RAD54B: variants seen among roughly 807,000 people sequenced by gnomAD.
RAD54B encodes RAD54 homolog B.
In RAD54B, 78 loss-of-function variants were observed where a neutral mutation model predicts 95.8. That is an observed-to-expected ratio of 0.81 (90% CI 0.68 to 0.98). The LOEUF (loss-of-function observed/expected upper bound fraction) is 0.98. Ranked by LOEUF, RAD54B falls within the 50% of genes least tolerant of loss-of-function variation. RAD54B has a pLI of 0.00. For missense variants in RAD54B, 957 were observed against 1,056.6 expected (o/e 0.91, Z 1.31); for synonymous variants, 328 against 354.9 (o/e 0.92, Z 0.85).
At chr8:94,375,097 A>G (rs1463359662) in intron 14 of RAD54B, among the ~76,000 whole-genome samples, 2 of 152,252 alleles carry the variant, frequency 1.3e-5, no homozygotes, top group Non-Finnish European at 2.9e-5. Flanking sequence ...TTGACACAAC[A>G]TCCAACAAAG....
intron 3 of RAD54B, among the ~76,000 whole-genome samples, chr8:94,416,580 C>A (rs1237114206): frequency 6.6e-5 from 10 of 151,002 alleles, no homozygotes; most frequent in Admixed American, 6.6e-4. Context: ...AGGCAAAAAT[C>A]TTAGACAATT....
In RAD54B at chr8:94,393,014, G is replaced by A. The variant is rs150069694; in HGVS notation, c.1518+729C>T. On this transcript the variant is annotated intron_variant, in intron 9 of 14. Coordinates refer to ENST00000336148, the MANE Select transcript of RAD54B (RefSeq NM_012415.3). ...AATTTTTGTATTTTTAGTAGAGACGGGGTTTCACCATGTTGGCCAGGATGG... is the reference window on the plus strand; with the variant it reads ...AATTTTTGTATTTTTAGTAGAGACGAGGTTTCACCATGTTGGCCAGGATGG... 4.8e-3 allele frequency among the ~76,000 whole-genome samples: 714 copies of A among 150,072 alleles called. 7 individuals are homozygous for A. Among genetic ancestry groups the A allele is most frequent in the African/African-American group, 0.017 (692 of 40,746 alleles).
rs1811214073 is a variant in RAD54B at position 94,399,398 on chromosome 8, C to G, written c.1378+16G>C. 2 of 1,607,758 alleles carry G rather than the reference C, an allele frequency of 1.2e-6. No homozygotes were observed. Among genetic ancestry groups the G allele is most frequent in the Admixed American group, 1.7e-5 (1 of 59,750 alleles). On this transcript the variant is annotated intron_variant, in intron 8 of 14. Transcript: ENST00000336148. ...GGCAAAAATTCCAAAATATCTTCCC[C>G]AAACTGAATACTGACCAGTTAGAAT... is the stretch of plus-strand genomic sequence containing the variant.
intron 3 of RAD54B, chr8:94,432,706 G>A (rs1812140590): frequency 1.4e-6 from 2 of 1,402,468 alleles, no homozygotes; most frequent in Non-Finnish European, 9.3e-7. Flanking sequence ...TGAAGAAAAA[G>A]TGTATATTTA....
At chr8:94,434,519 A>G (rs1812204468) in intron 3 of RAD54B, among the ~76,000 whole-genome samples, 1 of 151,846 alleles carries the variant, frequency 6.6e-6, no homozygotes, top group African/African-American at 2.4e-5. Context: ...CAAAACAGGT[A>G]TATATTTTTA....
chr8:94,381,983 G>A lies in RAD54B; in HGVS notation c.1986-1577C>T, dbSNP rs1205523192. Among the ~76,000 whole-genome samples, 6 of 151,992 alleles carry A rather than the reference G, an allele frequency of 3.9e-5. No individual in the cohort carries two copies. The South Asian group carries it at 6.2e-4, about 16-fold the overall frequency. Reference sequence around the variant, plus strand: ...AAAAAAATTAGTCGGGCATGGTGGTGGGCGCCTGTAGTCCCAGCTACTCCG... The same window carrying A: ...AAAAAAATTAGTCGGGCATGGTGGTAGGCGCCTGTAGTCCCAGCTACTCCG... On this transcript the variant is annotated intron_variant, in intron 11 of 14. Transcript: ENST00000336148.
intron 3 of RAD54B, among the ~76,000 whole-genome samples, chr8:94,412,843 AAAG>A (rs1204178640): frequency 5.3e-5 from 8 of 152,206 alleles, no homozygotes; most frequent in Non-Finnish European, 1.0e-4. Flanking sequence ...ATCTAAAAAT[AAAG>A]AAGAATAAAT....
chr8:94,407,835 G>A (rs1811432791), intron 4 of RAD54B, 115 bp from the exon 5 acceptor site: 9 of 699,490 alleles, frequency 1.3e-5, no homozygotes, highest in Admixed American at 1.1e-4. Context: ...TAATGCATTA[G>A]CCAAAATGGA....
chr8:94,448,937 C>CA (rs956877717), intron 3 of RAD54B, among the ~76,000 whole-genome samples: 1 of 151,884 alleles, frequency 6.6e-6, no homozygotes, highest in Non-Finnish European at 1.5e-5. Flanking sequence ...TGGTCACACA[C>CA]AAAAAACAGT....
intron 2 of RAD54B, among the ~76,000 whole-genome samples, chr8:94,464,593 G>C (rs906314330): frequency 1.3e-5 from 2 of 152,164 alleles, no homozygotes; most frequent in Non-Finnish European, 2.9e-5. Flanking sequence ...TCTTTTTGGT[G>C]TCATGAAAAT....
chr8:94,425,559 T>C (rs1302619162), intron 3 of RAD54B, among the ~76,000 whole-genome samples: 1 of 152,146 alleles, frequency 6.6e-6, no homozygotes, highest in Non-Finnish European at 1.5e-5. Flanking sequence ...ATTGAAACAG[T>C]TTTTATTACA....
chr8:94,458,513 T>C lies in RAD54B; in HGVS notation c.136-77A>G, dbSNP rs28420254. The C allele has an allele frequency of 0.045, 52,343 of 1,168,738 alleles. 1,378 individuals are homozygous for C. The highest frequency in any genetic ancestry group is 0.08 in the African/African-American group (5,045 of 62,936). The allele number at this position is 1,168,738 out of a possible 1,614,324, so 72.4% of individuals were successfully genotyped here. A position where few individuals can be genotyped will look rare whatever the true frequency, so the allele number is the denominator to read the frequency against. On this transcript the variant is annotated intron_variant, in intron 2 of 14. Coordinates refer to ENST00000336148, the MANE Select transcript of RAD54B (RefSeq NM_012415.3). ...ATTTTCTGTATTTTTACATAAAAGA[T>C]TCTAATTTAAAACAGGACATACTGG...
At chr8:94,458,815 C>A (rs2130179069) in intron 2 of RAD54B, among the ~76,000 whole-genome samples, 1 of 151,762 alleles carries the variant, frequency 6.6e-6, no homozygotes, top group African/African-American at 2.4e-5. Flanking sequence ...TGCAGTGAGC[C>A]AAGATTGTAC....
chr8:94,408,679 C>A (rs1385870144), intron 4 of RAD54B, among the ~76,000 whole-genome samples: 1 of 151,818 alleles, frequency 6.6e-6, no homozygotes, highest in Non-Finnish European at 1.5e-5. Flanking sequence ...TTGTAATGCT[C>A]TGATATAGGA....
intron 1 of RAD54B, among the ~76,000 whole-genome samples, chr8:94,471,240 T>C (rs535182735): frequency 2.0e-5 from 3 of 148,004 alleles, no homozygotes; most frequent in East Asian, 2.0e-4. Flanking sequence ...TCAGTATTTG[T>C]TATGTGAATG....
At chr8:94,400,165 TA>T in intron 7 of RAD54B, 72 bp downstream of exon 7, 1 of 1,365,976 alleles carries the variant, frequency 7.3e-7, no homozygotes, top group Non-Finnish European at 1.0e-6. Flanking sequence ...AGTTAACAAG[TA>T]AAAACTGAAT....
rs528411264 is a variant in RAD54B, at chr8:94,422,086, T to G, written c.305-10771A>C. 5.9e-5 allele frequency among the ~76,000 whole-genome samples: 9 copies of G among 152,280 alleles called. No individual in the cohort carries two copies. In the East Asian group the frequency reaches 1.7e-3, roughly 29 times the overall value. ...TTAAATTTCCGATTGCCAAATTAGA[T>G]CTAGTTACCCTATTACCTCAACATT... On this transcript the variant is annotated intron_variant, in intron 3 of 14. Coordinates refer to ENST00000336148, the MANE Select transcript of RAD54B (RefSeq NM_012415.3).
chr8:94,419,214 A>G (rs372531000), intron 3 of RAD54B, among the ~76,000 whole-genome samples: 2 of 152,314 alleles, frequency 1.3e-5, no homozygotes, highest in Admixed American at 1.3e-4. Context: ...GAACTGTTAA[A>G]ATTAAAGCAA....
Position 94,393,810 on chromosome 8 carries a change from G to T in RAD54B, c.1451C>A (p.Ser484Tyr), listed in dbSNP as rs764772460. The change falls in exon 9 of 15, where the codon TCT becomes TAT. Residue 484 changes from serine to tyrosine, a missense_variant. Coordinates refer to ENST00000336148, the MANE Select transcript of RAD54B (RefSeq NM_012415.3). ...ATATATTTTCCTATAAGATGACAAA[G>T]AGCCTAATATTCCTGGATTTACAAA... is the stretch of plus-strand genomic sequence containing the variant. Reference protein sequence around the residue: ...IDFVNPGILGSLSSYRKIYEE... With the variant: ...IDFVNPGILGYLSSYRKIYEE... The T allele has an allele frequency of 1.3e-6, 2 of 1,585,568 alleles. No homozygotes were observed. The highest frequency in any genetic ancestry group is 2.7e-5 in the African/African-American group (2 of 74,072).
Sources: gnomAD v4.1 joint callset for allele counts (sites outside exome capture counted in the v4.1 genomes callset) on GRCh38, gnomAD v4.1.1 for gene constraint, MANE v1.5 for transcripts, NCBI Gene and HGNC (gene_info 2026-07-23, HGNC 2026-07-21) for gene names.